Variants in CLVS1 observed in about 807,000 individuals in gnomAD.
CLVS1 encodes clavesin-1.
In CLVS1, 10 loss-of-function variants were observed where a neutral mutation model predicts 33.1. The ratio of observed to expected loss-of-function variants is 0.30; its 90% CI spans 0.19 to 0.51. The LOEUF (loss-of-function observed/expected upper bound fraction) is 0.51, where lower values mean the gene tolerates loss of function less well. Ranked by LOEUF, CLVS1 falls within the 20% of genes least tolerant of loss-of-function variation. The pLI is 0.97. For synonymous variants in CLVS1, 163 were observed against 166.1 expected (o/e 0.98, Z 0.14); for missense variants, 343 against 433.4 (o/e 0.79, Z 1.85).
intron 2 of CLVS1, among the ~76,000 whole-genome samples, chr8:61,209,611 T>C (rs1807930978): frequency 6.6e-6 from 1 of 152,218 alleles, no homozygotes; most frequent in Non-Finnish European, 1.5e-5. Flanking sequence ...GAGTCCATGA[T>C]GATGGCCATG....
intron 2 of CLVS1, among the ~76,000 whole-genome samples, chr8:61,133,598 G>C (rs1215115564): frequency 1.3e-5 from 2 of 152,164 alleles, no homozygotes; most frequent in African/African-American, 2.4e-5. Flanking sequence ...CACCTTGAGG[G>C]GCTTGAGGTT....
intron 2 of CLVS1, among the ~76,000 whole-genome samples, chr8:61,246,389 C>T (rs764616244): frequency 5.3e-5 from 8 of 151,326 alleles, no homozygotes; most frequent in Non-Finnish European, 7.4e-5. Flanking sequence ...AGGCTGGTCT[C>T]GAACTCCTGA....
In CLVS1 at chr8:61,139,518, G is replaced by A. The variant is rs543952005; in HGVS notation, c.-152+7658G>A. Among the ~76,000 whole-genome samples, 12 of 152,330 alleles carry A rather than the reference G, an allele frequency of 7.9e-5. No individual in the cohort carries two copies. In the South Asian group the frequency reaches 2.5e-3, roughly 32 times the overall value. The stretch of plus-strand genomic sequence containing the variant: ...CCCCAGGGCAGAAAGTGGTGGCGCT[G>A]CCAGCAGCGGGAGGGGCGTCAGGGG... On this transcript the variant is annotated intron_variant, in intron 2 of 2. Coordinates refer to the CLVS1 transcript ENST00000522621.
chr8:61,085,439 C>T (rs1251503136), intron 1 of CLVS1, among the ~76,000 whole-genome samples: 1 of 152,066 alleles, frequency 6.6e-6, no homozygotes, highest in Non-Finnish European at 1.5e-5. Flanking sequence ...TCCCCGACAA[C>T]CTCTCAATGT....
At chr8:61,214,482 C>T (rs747493693) in intron 2 of CLVS1, among the ~76,000 whole-genome samples, 8 of 152,096 alleles carry the variant, frequency 5.3e-5, no homozygotes, top group African/African-American at 9.7e-5. Flanking sequence ...ATGTGACTAT[C>T]GGGGCAGGTT....
At chr8:61,296,181 C>A (rs2129594229) in intron 1 of CLVS1, among the ~76,000 whole-genome samples, 1 of 152,216 alleles carries the variant, frequency 6.6e-6, no homozygotes, top group East Asian at 1.9e-4. Flanking sequence ...GAAGAATTTG[C>A]CTTTAATGGA....
upstream of CLVS1, among the ~76,000 whole-genome samples, chr8:61,055,288 T>A (rs1386493974): frequency 6.6e-6 from 1 of 152,234 alleles, no homozygotes; most frequent in African/African-American, 2.4e-5. Flanking sequence ...CTCAAGCACT[T>A]TAAAATGTCA....
chr8:61,272,845 C>T (rs898281309), intron 2 of CLVS1, among the ~76,000 whole-genome samples: 1 of 152,112 alleles, frequency 6.6e-6, no homozygotes, highest in Non-Finnish European at 1.5e-5. Flanking sequence ...TCAGCTCCGT[C>T]AGCTCCTTTA....
the CLVS1 span, among the ~76,000 whole-genome samples, chr8:61,041,696 C>G: frequency 1.3e-5 from 2 of 152,176 alleles, no homozygotes; most frequent in South Asian, 4.2e-4. Context: ...AGAAATGCTG[C>G]CCATTTTTGT....
intron 2 of CLVS1, 24 bp from the exon 3 acceptor site, chr8:61,376,581 C>A (rs758285903): frequency 1.9e-6 from 3 of 1,607,050 alleles, no homozygotes; most frequent in Middle Eastern, 1.7e-4. Context: ...TCACACACAG[C>A]TCTCCTTTCT....
chr8:61,049,227 G>A, the CLVS1 span, among the ~76,000 whole-genome samples: 1 of 152,152 alleles, frequency 6.6e-6, no homozygotes, highest in Non-Finnish European at 1.5e-5. Context: ...CCCTCTCACT[G>A]CCATTTCACA....
At chr8:61,495,428 A>T (rs184251582) in intron 5 of CLVS1, among the ~76,000 whole-genome samples, 5 of 152,292 alleles carry the variant, frequency 3.3e-5, no homozygotes, top group East Asian at 1.9e-4. Context: ...AGTGATTTTT[A>T]AAAAACTCAT....
chr8:61,097,305 AAAATT>A (rs906946846), intron 1 of CLVS1, among the ~76,000 whole-genome samples: 7 of 152,116 alleles, frequency 4.6e-5, no homozygotes, highest in African/African-American at 7.2e-5. Flanking sequence ...AAAAAATAAA[AAAATT>A]AAATTAATTA....
intron 2 of CLVS1, among the ~76,000 whole-genome samples, chr8:61,232,024 T>TTTGTTTG (rs1808448261): frequency 3.2e-5 from 3 of 93,564 alleles, no homozygotes; most frequent in African/African-American, 1.3e-4. Flanking sequence ...AAAGTTGTGG[T>TTTGTTTG]TTTTTTTTTT....
intron 3 of CLVS1, among the ~76,000 whole-genome samples, chr8:61,404,424 G>A (rs1814898363): frequency 6.6e-6 from 1 of 152,056 alleles, no homozygotes; most frequent in Non-Finnish European, 1.5e-5. Flanking sequence ...CACACCTCTT[G>A]ATCATATTTT....
At chr8:61,422,930 C>T (rs1242544564) in intron 3 of CLVS1, among the ~76,000 whole-genome samples, 2 of 152,032 alleles carry the variant, frequency 1.3e-5, no homozygotes, top group African/African-American at 2.4e-5. Context: ...AAGCCCCTTC[C>T]CCGGTGGACT....
At chr8:61,166,889 T>C (rs1368220103) in intron 2 of CLVS1, among the ~76,000 whole-genome samples, 3 of 148,810 alleles carry the variant, frequency 2.0e-5, no homozygotes, top group East Asian at 3.9e-4. Flanking sequence ...TTCTTTTTTT[T>C]CTTTTTTCTT....
chr8:61,488,521 G>A (rs1208115907), intron 5 of CLVS1, among the ~76,000 whole-genome samples: 1 of 152,122 alleles, frequency 6.6e-6, no homozygotes. Context: ...GGTAAATATG[G>A]CTATCTCTGT....
intron 2 of CLVS1, among the ~76,000 whole-genome samples, chr8:61,371,863 C>T (rs1288626558): frequency 2.0e-5 from 3 of 152,050 alleles, no homozygotes; most frequent in East Asian, 1.9e-4. Context: ...AATGATGAAA[C>T]CCCTGTAGAT....
Sources: gnomAD v4.1 joint callset for allele counts (sites outside exome capture counted in the v4.1 genomes callset) on GRCh38, gnomAD v4.1.1 for gene constraint, MANE v1.5 for transcripts, NCBI Gene and HGNC (gene_info 2026-07-23, HGNC 2026-07-21) for gene names.